Variants in WDR25 observed in about 807,000 individuals in gnomAD.
WDR25 encodes WD repeat domain 25, also known as WD repeat-containing protein 25.
Under a neutral mutation model 47.7 loss-of-function variants are expected in WDR25, and 35 were observed. The observed-to-expected ratio is 0.73, with a 90% CI of 0.56 to 0.97. The LOEUF is 0.97. Ranked by LOEUF, WDR25 falls within the 50% of genes least tolerant of loss-of-function variation. WDR25 has a pLI of 0.00. For missense variants in WDR25, 634 were observed against 704.7 expected (o/e 0.90, Z 1.14); for synonymous variants, 248 against 278.9 (o/e 0.89, Z 1.10).
At chr14:100,526,389 C>T (rs1056316556) in intron 5 of WDR25, among the ~76,000 whole-genome samples, 1 of 152,086 alleles carries the variant, frequency 6.6e-6, no homozygotes, top group Non-Finnish European at 1.5e-5. Context: ...GTTTCTGACC[C>T]TCAGTGGCAT....
chr14:100,513,643 C>T (rs1901384946), intron 4 of WDR25, among the ~76,000 whole-genome samples: 1 of 151,724 alleles, frequency 6.6e-6, no homozygotes, highest in African/African-American at 2.4e-5. Context: ...TTAGGATTAT[C>T]ATGTTCTCCT....
At chr14:100,408,379 T>C (rs1429097112) in intron 2 of WDR25, among the ~76,000 whole-genome samples, 5 of 152,130 alleles carry the variant, frequency 3.3e-5, no homozygotes, top group Non-Finnish European at 5.9e-5. Context: ...ACCCACTTAA[T>C]TTACATATAT....
At chr14:100,397,309 G>C (rs1476490024) in intron 2 of WDR25, among the ~76,000 whole-genome samples, 1 of 152,144 alleles carries the variant, frequency 6.6e-6, no homozygotes, top group Non-Finnish European at 1.5e-5. Context: ...AACAAAATCT[G>C]TTTCTTTTAA....
chr14:100,376,608 T>A, intron 1 of WDR25, 113 bp downstream of exon 1: 1 of 1,231,954 alleles, frequency 8.1e-7, no homozygotes, highest in Non-Finnish European at 1.0e-6. Context: ...TCCTTTCACT[T>A]CCTGTTCCTT....
At chr14:100,528,928 C>A in intron 5 of WDR25, 140 bp from the exon 6 acceptor site, 2 of 992,456 alleles carry the variant, frequency 2.0e-6, no homozygotes, top group South Asian at 2.5e-5. Flanking sequence ...AGCCACCAAG[C>A]TTGTGGTGAT....
At position 100,523,342 on chromosome 14, in the gene WDR25, G is replaced by A. The variant is rs1260854467; in HGVS notation, c.1102-2528G>A. ...GATGTGGGCAGCTAAGGGAGCACAG[G>A]GTTGCGTGTGAGCCCAGAGCAGTGC... On this transcript the variant is annotated intron_variant, in intron 4 of 6. Coordinates refer to ENST00000402312, the MANE Select transcript of WDR25 (RefSeq NM_001161476.3). This position sits in a 1 kb window ranked among gnomAD's most constrained non-coding sequence, Gnocchi z 4.7. Among the ~76,000 whole-genome samples the A allele has an allele frequency of 6.6e-6, 1 of 152,150 alleles. No homozygotes were observed. Among genetic ancestry groups the A allele is most frequent in the Non-Finnish European group, 1.5e-5 (1 of 68,016 alleles).
Position 100,494,913 on chromosome 14 carries a change from G to A in WDR25, c.1101+10789G>A, listed in dbSNP as rs144572002. Among the ~76,000 whole-genome samples the A allele has an allele frequency of 1.8e-3, 275 of 152,332 alleles. 1 individual carries two copies. The highest frequency in any genetic ancestry group is 6.5e-3 in the African/African-American group (269 of 41,574). On this transcript the variant is annotated intron_variant, in intron 4 of 6. Transcript: ENST00000402312. ...AATGCACTTTAGGAGGCTGAGGCAG[G>A]AGGATTGCTTGAGGCCAGGAGTTAG...
Position 100,381,573 on chromosome 14 carries a change from G to C in WDR25, c.649G>C (p.Val217Leu). 6.2e-7 allele frequency: 1 copy of C among 1,609,930 alleles called. No homozygotes were observed. Among genetic ancestry groups the C allele is most frequent in the Non-Finnish European group, 8.5e-7 (1 of 1,177,116 alleles). The change falls in exon 2 of 7, where the codon GTG becomes CTG. Residue 217 changes from valine to leucine, a missense_variant. Val to Leu is a conservative substitution (Grantham distance 32, BLOSUM62 1). Transcript: ENST00000402312. Reference protein sequence around the residue: ...APAPLYVGPGVSEFIQPYLNS... With the variant: ...APAPLYVGPGLSEFIQPYLNS... ...AGCCCCTCTCTACGTGGGCCCGGGA[G>C]TGTCTGAGTTTATTCAGCCATATTT... is the stretch of plus-strand genomic sequence containing the variant.
chr14:100,439,410 G>C (rs906140002), intron 2 of WDR25, among the ~76,000 whole-genome samples: 5 of 152,222 alleles, frequency 3.3e-5, no homozygotes, highest in Non-Finnish European at 7.3e-5. Context: ...GCGTTGTGCA[G>C]TTCAGCCTGG....
intron 2 of WDR25, chr14:100,455,653 G>A (rs1319217775): frequency 6.6e-6 from 1 of 152,138 alleles, no homozygotes; most frequent in Admixed American, 6.5e-5. Flanking sequence ...GAAAGCAGTC[G>A]GAGAAAAATG....
At chr14:100,463,352 C>T (rs1243441298) in intron 2 of WDR25, among the ~76,000 whole-genome samples, 2 of 152,248 alleles carry the variant, frequency 1.3e-5, no homozygotes, top group Non-Finnish European at 2.9e-5. Flanking sequence ...AGCGGACCCA[C>T]CCATCAGCAT....
chr14:100,525,087 C>T lies in WDR25; in HGVS notation c.1102-783C>T, dbSNP rs572447486. On this transcript the variant is annotated intron_variant, in intron 4 of 6. Coordinates refer to ENST00000402312, the MANE Select transcript of WDR25 (RefSeq NM_001161476.3). The surrounding 1 kb of genome is among the most constrained non-coding windows in gnomAD (Gnocchi z 4.6). The stretch of plus-strand genomic sequence containing the variant: ...CTGCGACCAACTTGAGACCTTGCTG[C>T]GCTTCCATGGCTGCGCGTGGGTGCC... Among the ~76,000 whole-genome samples, 1 of 152,150 alleles carries T rather than the reference C, an allele frequency of 6.6e-6. No individual in the cohort carries two copies. Among genetic ancestry groups the T allele is most frequent in the Non-Finnish European group, 1.5e-5 (1 of 68,036 alleles).
chr14:100,473,971 A>G (rs1595125737), intron 3 of WDR25, among the ~76,000 whole-genome samples: 1 of 152,228 alleles, frequency 6.6e-6, no homozygotes, highest in African/African-American at 2.4e-5. Context: ...TGATACTTAC[A>G]TGTACATGCT....
chr14:100,439,388 G>T (rs184527211), intron 2 of WDR25, among the ~76,000 whole-genome samples: 15 of 152,348 alleles, frequency 9.8e-5, no homozygotes, highest in Non-Finnish European at 2.2e-4. Flanking sequence ...TCATCTGATG[G>T]CATTTTGTGT....
At chr14:100,405,521 G>A (rs2140179336) in intron 2 of WDR25, among the ~76,000 whole-genome samples, 1 of 152,338 alleles carries the variant, frequency 6.6e-6, no homozygotes. Flanking sequence ...CAGGGGATGG[G>A]GAGGGAGGCT....
chr14:100,454,202 G>A (rs987980400), intron 2 of WDR25, among the ~76,000 whole-genome samples: 6 of 152,146 alleles, frequency 3.9e-5, no homozygotes, highest in Admixed American at 1.3e-4. Context: ...GTGTTCCCAG[G>A]TTCTCTGCAA....
chr14:100,505,311 C>A (rs1290070967), intron 4 of WDR25, among the ~76,000 whole-genome samples: 1 of 152,048 alleles, frequency 6.6e-6, no homozygotes, highest in Non-Finnish European at 1.5e-5. Context: ...ATGTGGGATA[C>A]CCAGTTGTTT....
chr14:100,377,467 AT>A lies in WDR25; in HGVS notation c.-16+986del, dbSNP rs553180990. ...GGCGCGCACCACTGCACACGGCTAAATTTTTTTTTTTTTTGTATTTTTAGTA... is the reference window on the plus strand; with the variant it reads ...GGCGCGCACCACTGCACACGGCTAAATTTTTTTTTTTTTGTATTTTTAGTA... On this transcript the variant is annotated intron_variant, in intron 1 of 6. Coordinates refer to ENST00000402312, the MANE Select transcript of WDR25 (RefSeq NM_001161476.3). 3.9e-3 allele frequency among the ~76,000 whole-genome samples: 571 copies of A among 145,286 alleles called. 3 individuals carry two copies. Among genetic ancestry groups the A allele is most frequent in the African/African-American group, 8.8e-3 (349 of 39,578 alleles).
intron 2 of WDR25, among the ~76,000 whole-genome samples, chr14:100,410,231 C>T (rs1193593656): frequency 6.6e-6 from 1 of 152,088 alleles, no homozygotes; most frequent in Non-Finnish European, 1.5e-5. Context: ...CTAGGGAGCT[C>T]TCTGGGAACT....
Sources: gnomAD v4.1 joint callset for allele counts (sites outside exome capture counted in the v4.1 genomes callset) on GRCh38, gnomAD v4.1.1 for gene constraint, Gnocchi (gnomAD v3.1) non-coding constraint, MANE v1.5 for transcripts, NCBI Gene and HGNC (gene_info 2026-07-23, HGNC 2026-07-21) for gene names.